Variants in DAP observed in about 807,000 individuals in gnomAD.
DAP encodes the protein death-associated protein 1.
Under a neutral mutation model 13.8 loss-of-function variants are expected in DAP, and 8 were observed. The observed-to-expected ratio is 0.58, with a 90% CI of 0.34 to 1.05. The LOEUF is 1.05. Ranked by LOEUF, DAP falls within the 50% of genes least tolerant of loss-of-function variation. The probability of loss-of-function intolerance (pLI) is 0.03; values close to 1 mark genes in which losing one functional copy is unlikely to be tolerated. For synonymous variants in DAP, 47 were observed against 47.5 expected, an observed-to-expected ratio of 0.99 and a Z score of 0.04; for missense variants, 106 against 133.2, an observed-to-expected ratio of 0.80 and a Z score of 1.01.
chr5:10,703,382 G>A (rs1045336608), intron 2 of DAP, among the ~76,000 whole-genome samples: 4 of 152,202 alleles, frequency 2.6e-5, no homozygotes, highest in African/African-American at 9.7e-5. Context: ...CTTCTACAGA[G>A]TAGTTGCAGC....
Position 10,679,628 on chromosome 5 carries a change from A to AGGT in DAP, c.*1425_*1427dup, listed in dbSNP as rs1737930019. ...AGTTTATACCAACTGATCAGGAAAT[A>AGGT]GGTGGTGACAGGGCCTTGAAGGGTA... On this transcript the variant is annotated 3_prime_UTR_variant, in exon 4 of 4. Transcript: ENST00000230895. 1 of 152,380 alleles carries AGGT rather than the reference A, an allele frequency of 6.6e-6. No individual in the cohort carries two copies. Among genetic ancestry groups the AGGT allele is most frequent in the Non-Finnish European group, 1.5e-5 (1 of 68,064 alleles). The allele number at this position is 152,380 out of a possible 1,614,324, so 9.4% of individuals were successfully genotyped here.
chr5:10,751,709 T>C (rs547921097), intron 1 of DAP, among the ~76,000 whole-genome samples: 5 of 152,096 alleles, frequency 3.3e-5, no homozygotes, highest in Admixed American at 3.3e-4. Context: ...GGCTCTAATA[T>C]AATAGAAATG....
chr5:10,710,702 G>A (rs537402342), intron 2 of DAP, among the ~76,000 whole-genome samples: 1 of 152,346 alleles, frequency 6.6e-6, no homozygotes, highest in South Asian at 2.1e-4. Flanking sequence ...ACTTCTGCGG[G>A]TGACAGGGCA....
intron 2 of DAP, among the ~76,000 whole-genome samples, chr5:10,697,365 A>C (rs549155898): frequency 6.6e-6 from 1 of 152,230 alleles, no homozygotes; most frequent in Non-Finnish European, 1.5e-5. Context: ...TGTATTAAAA[A>C]CTTTACATGT....
At position 10,679,374 on chromosome 5, in the gene DAP, C is replaced by T. The variant is rs546321595; in HGVS notation, c.*1682G>A. The T allele has an allele frequency of 3.3e-5, 5 of 152,476 alleles. No homozygotes were observed. The East Asian group carries it at 7.5e-4, about 23-fold the overall frequency. 9.4% of individuals were successfully genotyped at this position (152,476 alleles called of 1,614,324 possible). A position where few individuals can be genotyped will look rare whatever the true frequency, so the allele number is the denominator to read the frequency against. On this transcript the variant is annotated 3_prime_UTR_variant, in exon 4 of 4. Coordinates refer to ENST00000230895, the MANE Select transcript of DAP (RefSeq NM_004394.3). ...CATCTAGCTAAAAGTACATAAAAAG[C>T]GCACCTCTGGAAATAACAGCCCTCC...
intron 1 of DAP, among the ~76,000 whole-genome samples, chr5:10,754,870 T>C (rs1217286867): frequency 6.6e-6 from 1 of 152,088 alleles, no homozygotes; most frequent in Non-Finnish European, 1.5e-5. Context: ...TGCCCAATAG[T>C]ATGGGGAAAA....
At chr5:10,705,208 G>A (rs907199092) in intron 2 of DAP, among the ~76,000 whole-genome samples, 5 of 151,870 alleles carry the variant, frequency 3.3e-5, no homozygotes, top group African/African-American at 7.3e-5. Flanking sequence ...ACTTCCATTA[G>A]CATCAGCCCA....
chr5:10,691,242 T>C (rs1738299902), intron 2 of DAP, among the ~76,000 whole-genome samples: 1 of 152,266 alleles, frequency 6.6e-6, no homozygotes, highest in African/African-American at 2.4e-5. Context: ...CTAACAGCGA[T>C]ATGTATTTTC....
intron 2 of DAP, among the ~76,000 whole-genome samples, chr5:10,688,988 CTG>C (rs1426194256): frequency 1.3e-5 from 2 of 152,198 alleles, no homozygotes; most frequent in African/African-American, 4.8e-5. Flanking sequence ...GGACGGGAGT[CTG>C]GAGCCCAGGG....
intron 2 of DAP, among the ~76,000 whole-genome samples, chr5:10,706,099 A>C (rs1486859162): frequency 6.6e-6 from 1 of 152,242 alleles, no homozygotes; most frequent in Non-Finnish European, 1.5e-5. Flanking sequence ...AACAGGCAGA[A>C]GTGTCTTCAT....
intron 2 of DAP, among the ~76,000 whole-genome samples, chr5:10,714,635 G>A (rs944300405): frequency 6.6e-6 from 1 of 152,156 alleles, no homozygotes; most frequent in Non-Finnish European, 1.5e-5. Context: ...ATGGGGATCT[G>A]TGTCCCACCA....
intron 2 of DAP, among the ~76,000 whole-genome samples, chr5:10,704,641 T>C (rs1027774525): frequency 2.0e-4 from 30 of 152,214 alleles, no homozygotes; most frequent in African/African-American, 7.2e-4. Context: ...CAAAGCAGAA[T>C]AGAACAAATG....
chr5:10,716,575 C>T (rs975719548), intron 2 of DAP, among the ~76,000 whole-genome samples: 1 of 152,170 alleles, frequency 6.6e-6, no homozygotes, highest in African/African-American at 2.4e-5. Flanking sequence ...GGCAGAAAAA[C>T]ATGAAGCAAG....
At chr5:10,759,929 A>G (rs1406562415) in intron 1 of DAP, among the ~76,000 whole-genome samples, 1 of 151,610 alleles carries the variant, frequency 6.6e-6, no homozygotes, top group East Asian at 1.9e-4. Flanking sequence ...TAATTTTTCT[A>G]CTTTTAGTAG....
intron 2 of DAP, among the ~76,000 whole-genome samples, chr5:10,700,345 C>T (rs916459893): frequency 4.1e-4 from 62 of 152,288 alleles, no homozygotes; most frequent in Non-Finnish European, 5.7e-4. Flanking sequence ...GAACTGCCAC[C>T]ACCATCTCTA....
chr5:10,746,143 A>C (rs1320269156), intron 2 of DAP, among the ~76,000 whole-genome samples: 3 of 152,150 alleles, frequency 2.0e-5, no homozygotes, highest in Admixed American at 6.5e-5. Context: ...GGTATATGCA[A>C]GGTTTTATTC....
chr5:10,731,003 G>T (rs1452053330), intron 2 of DAP, among the ~76,000 whole-genome samples: 1 of 85,992 alleles, frequency 1.2e-5, no homozygotes, highest in Non-Finnish European at 2.4e-5. Context: ...GAGCCCTGGT[G>T]GGGGGGAATC....
intron 1 of DAP, among the ~76,000 whole-genome samples, chr5:10,754,638 A>C (rs182783192): frequency 6.6e-6 from 1 of 152,300 alleles, no homozygotes; most frequent in Non-Finnish European, 1.5e-5. Context: ...CGGACATCTG[A>C]CTGGGCCCCT....
intron 2 of DAP, among the ~76,000 whole-genome samples, chr5:10,724,100 C>G (rs1739224658): frequency 6.6e-6 from 1 of 152,184 alleles, no homozygotes; most frequent in African/African-American, 2.4e-5. Context: ...ACAATAATTT[C>G]TGGTAAAAAC....
Sources: gnomAD v4.1 joint callset for allele counts (sites outside exome capture counted in the v4.1 genomes callset) on GRCh38, gnomAD v4.1.1 for gene constraint, MANE v1.5 for transcripts, NCBI Gene and HGNC (gene_info 2026-07-23, HGNC 2026-07-21) for gene names.